KATNIP: variants seen among roughly 807,000 people sequenced by gnomAD.
The protein encoded by KATNIP is katanin-interacting protein.
KATNIP carries 126 observed loss-of-function variants against 174.0 expected under a neutral mutation model. The observed-to-expected ratio is 0.72, with a 90% CI of 0.63 to 0.84. The LOEUF (loss-of-function observed/expected upper bound fraction) is 0.84. Among genes scored for constraint, KATNIP ranks in the 40% least tolerant of loss-of-function variants. KATNIP has a pLI of 0.00. For missense variants in KATNIP, 1,958 were observed against 2,109.7 expected (o/e 0.93, Z 1.41); for synonymous variants, 810 against 835.7 (o/e 0.97, Z 0.53).
At chr16:27,573,153 G>A (rs549819779) in intron 1 of KATNIP, among the ~76,000 whole-genome samples, 2 of 152,336 alleles carry the variant, frequency 1.3e-5, no homozygotes, top group East Asian at 3.9e-4. Context: ...TTCACAAATA[G>A]CCACTGGGGA....
intron 18 of KATNIP, chr16:27,754,618 G>A (rs926496427): frequency 2.5e-5 from 5 of 197,022 alleles, no homozygotes; most frequent in African/African-American, 7.0e-5. Context: ...GCATCTGTTG[G>A]TGCAGTGCCC....
chr16:27,770,372 A>G (rs2082257514), intron 21 of KATNIP, among the ~76,000 whole-genome samples: 1 of 152,240 alleles, frequency 6.6e-6, no homozygotes, highest in African/African-American at 2.4e-5. Context: ...TGATTTAGAA[A>G]GATTCAAGGA....
At chr16:27,773,242 C>A in intron 23 of KATNIP, 33 bp downstream of exon 23, 1 of 1,441,754 alleles carries the variant, frequency 6.9e-7, no homozygotes, top group East Asian at 2.3e-5. Flanking sequence ...GGGCTCCACC[C>A]AGACTGAAGG....
At chr16:27,642,530 A>G (rs1054009742) in intron 5 of KATNIP, among the ~76,000 whole-genome samples, 2 of 152,138 alleles carry the variant, frequency 1.3e-5, no homozygotes, top group African/African-American at 2.4e-5. Flanking sequence ...ACCTCCAGGA[A>G]TCTCCGGGCC....
chr16:27,641,843 C>A (rs897850589), intron 5 of KATNIP, among the ~76,000 whole-genome samples: 1 of 152,186 alleles, frequency 6.6e-6, no homozygotes, highest in Non-Finnish European at 1.5e-5. Flanking sequence ...CTAGTCCAGG[C>A]CCCCTTTTTC....
At chr16:27,633,140 C>T (rs377442331) in intron 5 of KATNIP, among the ~76,000 whole-genome samples, 13 of 152,142 alleles carry the variant, frequency 8.5e-5, no homozygotes, top group Non-Finnish European at 1.5e-4. Flanking sequence ...TCTGGCCTCC[C>T]GTCCCATCAT....
At chr16:27,654,401 C>T (rs2077203558) in intron 6 of KATNIP, among the ~76,000 whole-genome samples, 1 of 152,174 alleles carries the variant, frequency 6.6e-6, no homozygotes, top group African/African-American at 2.4e-5. Context: ...AGTTTGGATC[C>T]TGGTCCATTG....
intron 3 of KATNIP, among the ~76,000 whole-genome samples, chr16:27,628,350 G>C (rs1184663934): frequency 6.6e-6 from 1 of 152,208 alleles, no homozygotes; most frequent in Admixed American, 6.5e-5. Flanking sequence ...GTAAACACAC[G>C]CCTCCTCTCT....
chr16:27,660,220 G>A lies in KATNIP; in HGVS notation c.540+11485G>A, dbSNP rs2077426211. On this transcript the variant is annotated intron_variant, in intron 6 of 27. Coordinates refer to ENST00000261588, the MANE Select transcript of KATNIP (RefSeq NM_015202.5). The stretch of plus-strand genomic sequence containing the variant: ...GCCAGCTCTGAAATCGTAAATCCTA[G>A]GTATGGTTTATAAGAAAATCTTATT... Among the ~76,000 whole-genome samples, 4 of 152,108 alleles carry A rather than the reference G, an allele frequency of 2.6e-5. No homozygotes were observed. The South Asian group carries it at 8.3e-4, about 32-fold the overall frequency.
At chr16:27,592,763 C>T (rs1212389300) in intron 2 of KATNIP, among the ~76,000 whole-genome samples, 1 of 152,152 alleles carries the variant, frequency 6.6e-6, no homozygotes, top group Non-Finnish European at 1.5e-5. Context: ...CCATGTTGGC[C>T]AGGCTGGTCT....
chr16:27,555,087 C>T (rs1043314337), intron 1 of KATNIP, among the ~76,000 whole-genome samples: 10 of 152,128 alleles, frequency 6.6e-5, no homozygotes, highest in Admixed American at 2.0e-4. Flanking sequence ...CATGAGCCAC[C>T]GCACCTGGCC....
At chr16:27,775,910 C>A (rs750438513) in intron 24 of KATNIP, among the ~76,000 whole-genome samples, 7 of 152,194 alleles carry the variant, frequency 4.6e-5, no homozygotes, top group Non-Finnish European at 8.8e-5. Context: ...TTAGACCCCC[C>A]CTATTGAGCG....
chr16:27,681,975 A>G (rs1485547150), intron 8 of KATNIP, among the ~76,000 whole-genome samples: 2 of 152,222 alleles, frequency 1.3e-5, no homozygotes, highest in Non-Finnish European at 2.9e-5. Context: ...AACACTCAGA[A>G]TAATATTTGA....
At chr16:27,568,534 G>A (rs1224789077) in intron 1 of KATNIP, among the ~76,000 whole-genome samples, 1 of 151,888 alleles carries the variant, frequency 6.6e-6, no homozygotes. Context: ...GTGCAATCTC[G>A]GCTCTGTGCA....
intron 18 of KATNIP, chr16:27,754,885 T>C (rs115253293): frequency 1.3e-5 from 2 of 152,258 alleles, no homozygotes; most frequent in Non-Finnish European, 2.9e-5. Flanking sequence ...TGGCTGCCAG[T>C]TTGTGACTTC....
chr16:27,567,268 G>A (rs2090127396), intron 1 of KATNIP, among the ~76,000 whole-genome samples: 1 of 152,088 alleles, frequency 6.6e-6, no homozygotes, highest in South Asian at 2.1e-4. Flanking sequence ...ATCAGCCTTT[G>A]GACATTGCAT....
At chr16:27,556,424 CT>C (rs2089632540) in intron 1 of KATNIP, among the ~76,000 whole-genome samples, 1 of 152,082 alleles carries the variant, frequency 6.6e-6, no homozygotes, top group Non-Finnish European at 1.5e-5. Context: ...AAAAAAAATT[CT>C]ATTTCATTTT....
chr16:27,771,583 T>C lies in KATNIP; in HGVS notation c.4134-5T>C. 2 of 1,612,482 alleles carry C rather than the reference T, an allele frequency of 1.2e-6. No individual in the cohort carries two copies. The highest frequency in any genetic ancestry group is 1.7e-6 in the Non-Finnish European group (2 of 1,179,084). ...TCTTCATGGTGCTGTTTTGTGCTTT[T>C]TCAGGCTGGACATGAGAAGCCTGGA... On this transcript the variant is annotated splice_polypyrimidine_tract_variant and splice_region_variant and intron_variant, in intron 21 of 27. Coordinates refer to ENST00000261588, the MANE Select transcript of KATNIP (RefSeq NM_015202.5).
intron 2 of KATNIP, among the ~76,000 whole-genome samples, chr16:27,591,189 C>CT (rs943005312): frequency 2.1e-3 from 310 of 144,198 alleles, no homozygotes; most frequent in East Asian, 5.2e-3. Flanking sequence ...CACTTTCTTT[C>CT]TTTTTTTTTT....
Sources: gnomAD v4.1 joint callset for allele counts (sites outside exome capture counted in the v4.1 genomes callset) on GRCh38, gnomAD v4.1.1 for gene constraint, MANE v1.5 for transcripts, NCBI Gene and HGNC (gene_info 2026-07-23, HGNC 2026-07-21) for gene names.